The following SCNN1G variants were observed in gnomAD, a reference collection of about 807,000 sequenced individuals.
SCNN1G encodes epithelial sodium channel subunit gamma.
A neutral mutation model predicts 64.6 loss-of-function variants in SCNN1G; 27 were observed. The ratio of observed to expected loss-of-function variants is 0.42; its 90% confidence interval spans 0.31 to 0.58. The LOEUF (loss-of-function observed/expected upper bound fraction) is 0.58. Among genes scored for constraint, SCNN1G ranks in the 20% least tolerant of loss-of-function variants. SCNN1G has a pLI of 0.18. For missense variants in SCNN1G, 743 were observed against 823.4 expected, an observed-to-expected ratio of 0.90 and a Z score of 1.19; for synonymous variants, 330 against 314.2, an observed-to-expected ratio of 1.05 and a Z score of -0.53.
rs773704976 is a variant in SCNN1G at position 23,209,831 on chromosome 16, G to T, written c.1159G>T (p.Ala387Ser). The change falls in exon 7 of 13, where the codon GCT becomes TCT. Residue 387 changes from alanine to serine, a missense_variant. Physicochemically the swap from Ala to Ser is moderately conservative, Grantham distance 99. Coordinates refer to ENST00000300061, the MANE Select transcript of SCNN1G (RefSeq NM_001039.4). ...CGTGCCAATCAGGAACATCTACAACGCTGCCTACTCGCTCCAGGTAACAGA... is the reference window on the plus strand; with the variant it reads ...CGTGCCAATCAGGAACATCTACAACTCTGCCTACTCGCTCCAGGTAACAGA... Reference protein sequence around the residue: ...SDVPIRNIYNAAYSLQICLHS... With the variant: ...SDVPIRNIYNSAYSLQICLHS... 1.2e-6 allele frequency: 2 copies of T among 1,613,204 alleles called. No individual in the cohort carries two copies. Among genetic ancestry groups the T allele is most frequent in the Non-Finnish European group, 1.7e-6 (2 of 1,179,262 alleles).
At chr16:23,183,776 G>A (rs1959560403) in intron 1 of SCNN1G, among the ~76,000 whole-genome samples, 2 of 152,216 alleles carry the variant, frequency 1.3e-5, no homozygotes, top group Non-Finnish European at 2.9e-5. Flanking sequence ...GGATCAATAA[G>A]TGATAGCTGC....
At chr16:23,209,677 T>C in intron 6 of SCNN1G, 73 bp from the exon 7 acceptor site, 1 of 1,072,022 alleles carries the variant, frequency 9.3e-7, no homozygotes, top group Non-Finnish European at 1.5e-6. Flanking sequence ...GTCCCCTGTC[T>C]GGTGCTCCTT....
intron 1 of SCNN1G, among the ~76,000 whole-genome samples, chr16:23,183,257 G>A (rs1003780664): frequency 6.6e-6 from 1 of 152,220 alleles, no homozygotes; most frequent in East Asian, 1.9e-4. Context: ...GCCTTCAGCC[G>A]GCGCTCCCCC....
chr16:23,190,078 G>A (rs1194140482), intron 3 of SCNN1G, among the ~76,000 whole-genome samples: 1 of 144,944 alleles, frequency 6.9e-6, no homozygotes, highest in Non-Finnish European at 1.5e-5. Flanking sequence ...AAAAAAAAAA[G>A]GGGAGAGTTG....
intron 6 of SCNN1G, among the ~76,000 whole-genome samples, chr16:23,204,334 T>TATATATATATATAGAGAGAG (rs1567267153): frequency 1.3e-4 from 2 of 15,176 alleles, no homozygotes; most frequent in African/African-American, 2.8e-4. Flanking sequence ...TATATATATA[T>TATATATATATATAGAGAGAG]AGAGAGAGAG....
intron 3 of SCNN1G, among the ~76,000 whole-genome samples, chr16:23,191,395 C>A (rs1372733417): frequency 6.6e-6 from 1 of 152,046 alleles, no homozygotes; most frequent in African/African-American, 2.4e-5. Flanking sequence ...ATCTGCAAGG[C>A]TCTTCTTGAT....
chr16:23,196,955 A>G (rs1475091981), intron 5 of SCNN1G, among the ~76,000 whole-genome samples: 5 of 152,228 alleles, frequency 3.3e-5, no homozygotes, highest in Non-Finnish European at 2.9e-5. Context: ...AAAGGACCAC[A>G]TGGAGATTCA....
chr16:23,214,712 G>T lies in SCNN1G; in HGVS notation c.1494G>T (p.Lys498Asn). The T allele has an allele frequency of 6.2e-7, 1 of 1,613,540 alleles. No individual in the cohort carries two copies. Among genetic ancestry groups the T allele is most frequent in the Non-Finnish European group, 8.5e-7 (1 of 1,179,488 alleles). ...QGRQVNKKLNKTDLAKLLIFY... is the reference protein window; with the variant it reads ...QGRQVNKKLNNTDLAKLLIFY... ...TGATTCACCTGTTGGAATTTTGCAG[G>T]ACAGACTTGGCCAAACTCTTGATAT... The change falls in exon 12 of 13, where the codon AAG becomes AAT. Residue 498 changes from lysine (K) to asparagine (N), a missense_variant and splice_region_variant. By Grantham distance (94) the Lys-to-Asn change is moderately conservative (BLOSUM62 0). Coordinates refer to ENST00000300061, the MANE Select transcript of SCNN1G (RefSeq NM_001039.4).
At chr16:23,189,265 G>T (rs1056794037) in intron 2 of SCNN1G, 106 bp from the exon 3 acceptor site, 17 of 1,165,430 alleles carry the variant, frequency 1.5e-5, no homozygotes, top group Non-Finnish European at 2.0e-5. Context: ...GTTGGGAAAG[G>T]TGGGCATGAG....
At chr16:23,199,269 G>A (rs1458685531) in intron 6 of SCNN1G, among the ~76,000 whole-genome samples, 1 of 152,104 alleles carries the variant, frequency 6.6e-6, no homozygotes, top group Non-Finnish European at 1.5e-5. Context: ...GCTATAGCTG[G>A]GAAATGGTTC....
intron 12 of SCNN1G, 121 bp downstream of exon 12, chr16:23,214,908 G>T: frequency 9.1e-7 from 1 of 1,098,268 alleles, no homozygotes; most frequent in Non-Finnish European, 1.4e-6. Flanking sequence ...GCTGTTGTAG[G>T]CTAGCCAGGT....
At chr16:23,183,606 C>T (rs1370787733) in intron 1 of SCNN1G, among the ~76,000 whole-genome samples, 1 of 152,166 alleles carries the variant, frequency 6.6e-6, no homozygotes, top group Non-Finnish European at 1.5e-5. Context: ...CCTTCAAATC[C>T]TTTCTACCTG....
chr16:23,193,381 T>C (rs1313381342), intron 4 of SCNN1G, among the ~76,000 whole-genome samples: 1 of 151,990 alleles, frequency 6.6e-6, no homozygotes. Context: ...GCACAGTGGC[T>C]CACGCTTGTA....
intron 6 of SCNN1G, among the ~76,000 whole-genome samples, chr16:23,204,041 G>T (rs1276605094): frequency 6.6e-6 from 1 of 151,402 alleles, no homozygotes; most frequent in Non-Finnish European, 1.5e-5. Flanking sequence ...ACTTTGGGAA[G>T]TTGAGGCCAG....
intron 4 of SCNN1G, among the ~76,000 whole-genome samples, chr16:23,193,513 A>C (rs1461848627): frequency 1.3e-5 from 2 of 151,982 alleles, no homozygotes; most frequent in Non-Finnish European, 2.9e-5. Context: ...TCTGGGCATA[A>C]TGGCACACAC....
chr16:23,198,511 A>C (rs1959833845), intron 6 of SCNN1G, among the ~76,000 whole-genome samples: 1 of 152,298 alleles, frequency 6.6e-6, no homozygotes, highest in East Asian at 1.9e-4. Flanking sequence ...TGGGTGGATC[A>C]CTTGAGCCCA....
chr16:23,197,185 G>A, intron 5 of SCNN1G, 79 bp from the exon 6 acceptor site: 2 of 1,207,686 alleles, frequency 1.7e-6, no homozygotes, highest in Non-Finnish European at 2.4e-6. Context: ...TGAAGCTCCT[G>A]AAGCAGTGGG....
intron 4 of SCNN1G, among the ~76,000 whole-genome samples, chr16:23,193,278 T>C (rs1959741406): frequency 6.6e-6 from 1 of 152,048 alleles, no homozygotes; most frequent in African/African-American, 2.4e-5. Context: ...TTCAAATATG[T>C]GAGATTTCAA....
At chr16:23,189,072 C>T (rs1434614056) in intron 2 of SCNN1G, among the ~76,000 whole-genome samples, 2 of 152,070 alleles carry the variant, frequency 1.3e-5, no homozygotes, top group African/African-American at 2.4e-5. Context: ...ACAGTCACCA[C>T]TACAGAAATG....
Sources: gnomAD v4.1 joint callset for allele counts (sites outside exome capture counted in the v4.1 genomes callset) on GRCh38, gnomAD v4.1.1 for gene constraint, MANE v1.5 for transcripts, NCBI Gene and HGNC (gene_info 2026-07-23, HGNC 2026-07-21) for gene names.